The following SGCZ variants were observed in gnomAD, a reference collection of about 807,000 sequenced individuals.
SGCZ encodes sarcoglycan zeta, also known as zeta-sarcoglycan.
Under a neutral mutation model 41.3 loss-of-function variants are expected in SGCZ, and 40 were observed. That is an observed-to-expected ratio of 0.97 (90% CI 0.75 to 1.26). The LOEUF (loss-of-function observed/expected upper bound fraction) is 1.26. Among genes scored for constraint, SGCZ ranks in the 50% most tolerant of loss-of-function variants. The pLI, the probability that SGCZ is intolerant of heterozygous loss-of-function variation, is 0.00. For synonymous variants in SGCZ, 206 were observed against 137.5 expected (o/e 1.50, Z -3.49); for missense variants, 552 against 369.8 (o/e 1.49, Z -4.04).
Position 14,108,917 on chromosome 8 carries a change from G to T in SGCZ, c.548-682C>A, listed in dbSNP as rs535380960. ...TTTCCAGTTAAGTGAAATTGAGGGAGGGCTAAGTCACAATACTCAATTCTG... is the reference window on the plus strand; with the variant it reads ...TTTCCAGTTAAGTGAAATTGAGGGATGGCTAAGTCACAATACTCAATTCTG... On this transcript the variant is annotated intron_variant, in intron 5 of 7. Transcript: ENST00000382080. Among the ~76,000 whole-genome samples, 14 of 152,248 alleles carry T rather than the reference G, an allele frequency of 9.2e-5. No homozygotes were observed. The South Asian group carries it at 2.7e-3, about 29-fold the overall frequency.
chr8:14,748,980 T>C (rs1799417623), intron 1 of SGCZ, among the ~76,000 whole-genome samples: 1 of 152,176 alleles, frequency 6.6e-6, no homozygotes, highest in Non-Finnish European at 1.5e-5. Flanking sequence ...TGTACATTTA[T>C]ATTCTCATAT....
At chr8:14,733,327 G>A (rs558483516) in intron 1 of SGCZ, among the ~76,000 whole-genome samples, 2 of 152,250 alleles carry the variant, frequency 1.3e-5, no homozygotes, top group East Asian at 1.9e-4. Flanking sequence ...AACAACAATT[G>A]AGGATCTATA....
intron 1 of SGCZ, among the ~76,000 whole-genome samples, chr8:14,811,233 G>C (rs2250879): frequency 0.63 from 95,552 of 151,672 alleles, 30,292 homozygotes; most frequent in East Asian, 0.8. Context: ...TTCATTTAGT[G>C]TCCTTATAAT....
chr8:14,363,630 A>G (rs1048467287), intron 2 of SGCZ, among the ~76,000 whole-genome samples: 1 of 152,158 alleles, frequency 6.6e-6, no homozygotes, highest in Non-Finnish European at 1.5e-5. Context: ...ACAACTGGCT[A>G]AGAAAAAGTA....
intron 7 of SGCZ, among the ~76,000 whole-genome samples, chr8:14,096,399 G>A (rs889493832): frequency 5.2e-4 from 79 of 152,028 alleles, no homozygotes; most frequent in African/African-American, 1.8e-3. Flanking sequence ...GTGATTGATT[G>A]ATTACATATA....
At chr8:14,424,507 T>C (rs1799722646) in intron 2 of SGCZ, among the ~76,000 whole-genome samples, 1 of 152,186 alleles carries the variant, frequency 6.6e-6, no homozygotes, top group Non-Finnish European at 1.5e-5. Flanking sequence ...TATTGCAAAA[T>C]ATACACAAAT....
chr8:15,198,622 C>T (rs1026538382), intron 1 of SGCZ, among the ~76,000 whole-genome samples: 2 of 152,118 alleles, frequency 1.3e-5, no homozygotes, highest in Non-Finnish European at 2.9e-5. Flanking sequence ...TAACTGTATG[C>T]TCTAAAACTG....
chr8:14,889,061 T>G (rs914727116), intron 1 of SGCZ, among the ~76,000 whole-genome samples: 7 of 152,268 alleles, frequency 4.6e-5, no homozygotes, highest in African/African-American at 1.7e-4. Context: ...CCCCAATAAC[T>G]TTCCTTAGAA....
At chr8:14,207,580 A>G (rs1166345896) in intron 4 of SGCZ, among the ~76,000 whole-genome samples, 3 of 151,886 alleles carry the variant, frequency 2.0e-5, no homozygotes, top group African/African-American at 7.3e-5. Context: ...GTTTTTTTTC[A>G]GTTTACTATG....
At chr8:14,369,021 ATGTGTGTGTGTGTG>A (rs10655274) in intron 2 of SGCZ, among the ~76,000 whole-genome samples, 5 of 145,418 alleles carry the variant, frequency 3.4e-5, no homozygotes, top group African/African-American at 5.0e-5. Flanking sequence ...GCAAATGTAA[ATGTGTGTGTGTGTG>A]TGTGTGTGTG....
intron 3 of SGCZ, among the ~76,000 whole-genome samples, chr8:14,238,244 A>G (rs1295921101): frequency 6.6e-6 from 1 of 152,190 alleles, no homozygotes; most frequent in Non-Finnish European, 1.5e-5. Context: ...ATTTTGTCAC[A>G]AAAGGAAAGA....
At chr8:14,378,347 A>G (rs1330731442) in intron 2 of SGCZ, among the ~76,000 whole-genome samples, 1 of 152,180 alleles carries the variant, frequency 6.6e-6, no homozygotes, top group Non-Finnish European at 1.5e-5. Flanking sequence ...CCTAGGCAAT[A>G]CCATTCAGGA....
At chr8:14,393,668 G>A (rs923832582) in intron 2 of SGCZ, among the ~76,000 whole-genome samples, 1 of 151,944 alleles carries the variant, frequency 6.6e-6, no homozygotes, top group African/African-American at 2.4e-5. Context: ...CCTCTCTTCT[G>A]CTTATTAAAC....
At position 14,296,802 on chromosome 8, in the gene SGCZ, G is replaced by C. The variant is rs138126213; in HGVS notation, c.336+27301C>G. Among the ~76,000 whole-genome samples, 751 of 152,058 alleles carry C rather than the reference G, an allele frequency of 4.9e-3. 6 individuals are homozygous for C. Among genetic ancestry groups the C allele is most frequent in the South Asian group, 0.019 (91 of 4,810 alleles). On this transcript the variant is annotated intron_variant, in intron 3 of 7. Transcript: ENST00000382080. ...GGGGTCAAATAAATAAAAAAAATTA[G>C]ACGAATTTAAAAATACGTATCAAAA...
At chr8:14,280,058 T>C (rs1217947944) in intron 3 of SGCZ, among the ~76,000 whole-genome samples, 3 of 151,958 alleles carry the variant, frequency 2.0e-5, no homozygotes, top group Non-Finnish European at 4.4e-5. Context: ...AGTCATACAA[T>C]GTGGGATTTT....
chr8:14,522,810 G>A (rs929695280), intron 2 of SGCZ, among the ~76,000 whole-genome samples: 10 of 151,588 alleles, frequency 6.6e-5, no homozygotes, highest in Non-Finnish European at 1.3e-4. Context: ...TGAGATAGGA[G>A]CTGAAATTAT....
intron 5 of SGCZ, among the ~76,000 whole-genome samples, chr8:14,152,063 T>TC (rs1803726156): frequency 6.6e-6 from 1 of 151,982 alleles, no homozygotes; most frequent in Non-Finnish European, 1.5e-5. Context: ...CACAATTCAT[T>TC]TAAAAAAATA....
chr8:14,879,995 C>G (rs898992414), intron 1 of SGCZ, among the ~76,000 whole-genome samples: 20 of 152,046 alleles, frequency 1.3e-4, no homozygotes, highest in Non-Finnish European at 2.6e-4. Flanking sequence ...TTTGCACCAC[C>G]ACACCCGGCT....
At chr8:14,971,498 C>A (rs1801296022) in intron 1 of SGCZ, among the ~76,000 whole-genome samples, 1 of 151,830 alleles carries the variant, frequency 6.6e-6, no homozygotes, top group African/African-American at 2.4e-5. Flanking sequence ...AGGATTTTGT[C>A]AATGCTTTTT....
Sources: allele counts gnomAD v4.1 joint callset (sites outside exome capture counted in the v4.1 genomes callset), GRCh38; gene constraint gnomAD v4.1.1; transcripts MANE v1.5; gene names NCBI Gene and HGNC (gene_info 2026-07-23, HGNC 2026-07-21).